PTPRJ: variants seen among roughly 807,000 people sequenced by gnomAD.
PTPRJ encodes protein tyrosine phosphatase receptor type J.
PTPRJ carries 129 observed loss-of-function variants against 141.3 expected under a neutral mutation model. The ratio of observed to expected loss-of-function variants is 0.91; its 90% CI spans 0.79 to 1.06. The LOEUF is 1.06. PTPRJ is among the 50% of genes least tolerant of loss of function. PTPRJ has a pLI of 0.00. For synonymous variants in PTPRJ, 610 were observed against 640.5 expected (o/e 0.95, Z 0.72); for missense variants, 1,601 against 1,679.7 (o/e 0.95, Z 0.82).
At chr11:48,125,275 C>A in intron 6 of PTPRJ, 89 bp downstream of exon 6, 1 of 1,420,480 alleles carries the variant, frequency 7.0e-7, no homozygotes, top group Non-Finnish European at 9.8e-7. Context: ...TGATTTCTTG[C>A]ATAACAGCTA....
chr11:48,104,206 C>T (rs1370935719), intron 1 of PTPRJ, among the ~76,000 whole-genome samples: 1 of 152,192 alleles, frequency 6.6e-6, no homozygotes, highest in East Asian at 1.9e-4. Context: ...CACAGTGCCA[C>T]ACCTGCCTTC....
In PTPRJ at chr11:48,123,777, G is replaced by T; in HGVS notation, c.781G>T (p.Gly261Cys). Reference protein sequence around the residue: ...QDSRLQVNISGLKPGVQYNIN... With the variant: ...QDSRLQVNISCLKPGVQYNIN... Reference sequence around the variant, plus strand: ...CTCAAGACTTCAGGTCAATATCTCGGGCCTGAAGCCAGGGGTTCAATACAA... The same window carrying T: ...CTCAAGACTTCAGGTCAATATCTCGTGCCTGAAGCCAGGGGTTCAATACAA... The change falls in exon 5 of 25, where the codon GGC (glycine) becomes TGC (cysteine). Residue 261 changes from glycine to cysteine, a missense_variant. By Grantham distance (159) the Gly-to-Cys change is radical. Transcript: ENST00000418331. 6.2e-7 allele frequency: 1 copy of T among 1,613,984 alleles called. No homozygotes were observed.
chr11:48,132,826 C>T (rs1180203156), intron 8 of PTPRJ: 2 of 630,296 alleles, frequency 3.2e-6, no homozygotes, highest in Non-Finnish European at 4.0e-6. Context: ...GATAGTCACT[C>T]AGAGGATCTG....
chr11:48,123,941 T>C, intron 5 of PTPRJ, 71 bp downstream of exon 5: 2 of 1,480,220 alleles, frequency 1.4e-6, no homozygotes, highest in Non-Finnish European at 1.8e-6. Flanking sequence ...TTCTAAAAAA[T>C]AAATTGCTCT....
At chr11:48,118,903 C>T (rs1394967748) in intron 3 of PTPRJ, among the ~76,000 whole-genome samples, 4 of 151,496 alleles carry the variant, frequency 2.6e-5, no homozygotes, top group African/African-American at 9.7e-5. Flanking sequence ...GCCTTTAATC[C>T]CAGCTACTTG....
intron 1 of PTPRJ, among the ~76,000 whole-genome samples, chr11:47,986,106 C>G (rs1854044915): frequency 6.6e-6 from 1 of 152,202 alleles, no homozygotes. Context: ...ACTGCAGGGA[C>G]ATGCTACCTT....
At chr11:48,149,728 A>C in intron 16 of PTPRJ, 1 of 539,500 alleles carries the variant, frequency 1.9e-6, no homozygotes. Flanking sequence ...TTCTTGATTA[A>C]AAAAACGTCA....
chr11:48,002,607 C>T (rs1181879080), intron 1 of PTPRJ, among the ~76,000 whole-genome samples: 1 of 152,174 alleles, frequency 6.6e-6, no homozygotes, highest in East Asian at 1.9e-4. Flanking sequence ...CCTGTCACCC[C>T]CAACTCATCA....
chr11:48,035,906 C>T (rs190194880), intron 1 of PTPRJ, among the ~76,000 whole-genome samples: 25 of 152,228 alleles, frequency 1.6e-4, no homozygotes, highest in Non-Finnish European at 3.4e-4. Flanking sequence ...AGTTTTTAAC[C>T]CATGTTCTAT....
chr11:48,109,228 C>T (rs546247905), intron 1 of PTPRJ, among the ~76,000 whole-genome samples: 4 of 151,970 alleles, frequency 2.6e-5, no homozygotes, highest in South Asian at 4.2e-4. Flanking sequence ...AGTAGGAGGA[C>T]GGTTTTTTCC....
intron 15 of PTPRJ, 57 bp from the exon 16 acceptor site, chr11:48,149,390 G>GAA: frequency 8.4e-7 from 1 of 1,193,344 alleles, no homozygotes; most frequent in South Asian, 1.4e-5. Context: ...ATACACAAGG[G>GAA]AAAAGCACAG....
chr11:48,130,341 CAGAG>C (rs1856942767), intron 7 of PTPRJ, 114 bp from the exon 8 acceptor site: 3 of 1,049,578 alleles, frequency 2.9e-6, no homozygotes, highest in Admixed American at 5.4e-5. Context: ...ACAAAGAAGA[CAGAG>C]AGAGGGATCA....
chr11:48,010,129 A>T (rs1345520502), intron 1 of PTPRJ, among the ~76,000 whole-genome samples: 1 of 152,154 alleles, frequency 6.6e-6, no homozygotes, highest in African/African-American at 2.4e-5. Context: ...TTCTCCAAGG[A>T]CATCGTGCCA....
intron 24 of PTPRJ, among the ~76,000 whole-genome samples, chr11:48,166,565 T>C (rs886798393): frequency 4.6e-5 from 7 of 152,110 alleles, no homozygotes; most frequent in African/African-American, 9.7e-5. Context: ...CTACCTGTCT[T>C]GGCCTCCCCA....
intron 1 of PTPRJ, among the ~76,000 whole-genome samples, chr11:48,080,900 T>C (rs750840127): frequency 1.3e-5 from 2 of 152,230 alleles, no homozygotes; most frequent in Non-Finnish European, 2.9e-5. Context: ...TATAGCCCAG[T>C]GCATATTGGG....
chr11:48,144,005 T>G (rs1857294852), intron 12 of PTPRJ, among the ~76,000 whole-genome samples: 2 of 151,746 alleles, frequency 1.3e-5, no homozygotes, highest in Non-Finnish European at 2.9e-5. Flanking sequence ...ACTACAGGCA[T>G]GAGCCTCTGT....
intron 1 of PTPRJ, among the ~76,000 whole-genome samples, chr11:48,000,982 A>ATTTTTTTTTTT (rs1002159076): frequency 8.1e-6 from 1 of 122,884 alleles, no homozygotes. Flanking sequence ...GTCCCATATA[A>ATTTTTTTTTTT]TTTTTTTTTT....
At chr11:48,089,169 T>C (rs745781057) in intron 1 of PTPRJ, among the ~76,000 whole-genome samples, 1 of 152,050 alleles carries the variant, frequency 6.6e-6, no homozygotes, top group Non-Finnish European at 1.5e-5. Context: ...TAAAAAGAAA[T>C]TGTAAAAGGA....
intron 1 of PTPRJ, among the ~76,000 whole-genome samples, chr11:48,009,213 C>T (rs1036852037): frequency 1.3e-5 from 2 of 152,110 alleles, no homozygotes; most frequent in African/African-American, 4.8e-5. Context: ...TCATTACCAA[C>T]GCACTGAAAA....
Sources: allele counts gnomAD v4.1 joint callset (sites outside exome capture counted in the v4.1 genomes callset), GRCh38; gene constraint gnomAD v4.1.1; transcripts MANE v1.5; gene names NCBI Gene and HGNC (gene_info 2026-07-23, HGNC 2026-07-21).